The following FAM168B variants were observed in gnomAD, a reference collection of about 807,000 sequenced individuals.
FAM168B encodes myelin-associated neurite-outgrowth inhibitor.
FAM168B carries 19 observed loss-of-function variants against 21.8 expected under a neutral mutation model. The ratio of observed to expected loss-of-function variants is 0.87; its 90% CI spans 0.61 to 1.28. FAM168B has a LOEUF of 1.28. Among genes scored for constraint, FAM168B ranks in the 50% most tolerant of loss-of-function variants. FAM168B has a pLI of 0.00. For missense variants in FAM168B, 233 were observed against 263.1 expected, an observed-to-expected ratio of 0.89 and a Z score of 0.79; for synonymous variants, 126 against 104.8, an observed-to-expected ratio of 1.20 and a Z score of -1.24.
Position 131,050,859 on chromosome 2 carries a change from T to C in FAM168B, c.*1606A>G. On this transcript the variant is annotated 3_prime_UTR_variant, in exon 7 of 7. Transcript: ENST00000389915. ...CACAGCACTCAAACCACCACTGCAC[T>C]GGGAAGAAGACGCACGCTCCTGCCC... is the stretch of plus-strand genomic sequence containing the variant. The C allele has an allele frequency of 1.0e-6, 1 of 985,336 alleles. No homozygotes were observed. Among genetic ancestry groups the C allele is most frequent in the African/African-American group, 1.7e-5 (1 of 57,228 alleles). 61.0% of individuals were successfully genotyped at this position (985,336 alleles called of 1,614,324 possible). A position where few individuals can be genotyped will look rare whatever the true frequency, so the allele number is the denominator to read the frequency against.
At chr2:131,060,315 C>T (rs910022991) in intron 3 of FAM168B, among the ~76,000 whole-genome samples, 3 of 151,996 alleles carry the variant, frequency 2.0e-5, no homozygotes, top group Non-Finnish European at 4.4e-5. Context: ...TGAGCCACCG[C>T]GCCCGGCCGT....
At chr2:131,067,852 G>GA (rs1692652143) in intron 3 of FAM168B, among the ~76,000 whole-genome samples, 1 of 152,094 alleles carries the variant, frequency 6.6e-6, no homozygotes, top group African/African-American at 2.4e-5. Flanking sequence ...TTGCTCATCA[G>GA]AAAAAGGGAA....
intron 3 of FAM168B, among the ~76,000 whole-genome samples, chr2:131,058,109 G>A (rs2105471662): frequency 6.9e-6 from 1 of 145,680 alleles, no homozygotes. Flanking sequence ...TAGGATTACA[G>A]GTGTGAGCCT....
rs1050438274 is a variant in FAM168B at position 131,051,635 on chromosome 2, A to T, written c.*830T>A. 4 of 985,264 alleles carry T rather than the reference A, an allele frequency of 4.1e-6. No homozygotes were observed. Among genetic ancestry groups the T allele is most frequent in the Non-Finnish European group, 4.8e-6 (4 of 829,886 alleles). The allele number at this position is 985,264 out of a possible 1,614,324, so 61.0% of individuals were successfully genotyped here. The stretch of plus-strand genomic sequence containing the variant: ...TTTTCCAATAAAGACATATAAAAAC[A>T]TCATCTCTCTAAGAGAACTGTAATG... On this transcript the variant is annotated 3_prime_UTR_variant, in exon 7 of 7. Coordinates refer to ENST00000389915, the MANE Select transcript of FAM168B (RefSeq NM_001009993.4).
rs143713928 is a variant in FAM168B at position 131,048,854 on chromosome 2, C to G, written c.*3611G>C. ...CCTCAAGCCACACCCCTGCCACCTG[C>G]TGCTGCGCCCAATGGAGGTCCTGTC... On this transcript the variant is annotated 3_prime_UTR_variant, in exon 7 of 7. Coordinates refer to ENST00000389915, the MANE Select transcript of FAM168B (RefSeq NM_001009993.4). 3 of 986,294 alleles carry G rather than the reference C, an allele frequency of 3.0e-6. No individual in the cohort carries two copies. The highest frequency in any genetic ancestry group is 1.7e-5 in the African/African-American group (1 of 57,368). The allele number at this position is 986,294 out of a possible 1,614,324, so 61.1% of individuals were successfully genotyped here.
chr2:131,074,410 A>G (rs57352617), intron 2 of FAM168B, among the ~76,000 whole-genome samples: 25,371 of 152,130 alleles, frequency 0.17, 2,478 homozygotes, highest in African/African-American at 0.27. Flanking sequence ...TACAGGTGTG[A>G]GCCACTGCAC....
rs1299022841 is a variant in FAM168B at position 131,089,728 on chromosome 2, AAAAG to A, written c.-12+3482_-12+3485del. ...GCGAGACTCCATCTCAAAAAAAAAA[AAAAG>A]AAAGAAAAAAGAAAGACCTGGCTGG... On this transcript the variant is annotated intron_variant, in intron 1 of 6. Transcript: ENST00000389915. Among the ~76,000 whole-genome samples the A allele has an allele frequency of 1.1e-3, 165 of 143,876 alleles. 1 individual carries two copies. Among genetic ancestry groups the A allele is most frequent in the African/African-American group, 3.6e-3 (141 of 38,676 alleles). 94.4% of individuals were successfully genotyped at this position (143,876 alleles called of 152,430 possible).
At position 131,051,434 on chromosome 2, in the gene FAM168B, A is replaced by G; in HGVS notation, c.*1031T>C. ...AAACCTTTGCCCTTCTTTGTTGGGG[A>G]AAAACAGCAATGCCTACCTGTTTTC... On this transcript the variant is annotated 3_prime_UTR_variant, in exon 7 of 7. Transcript: ENST00000389915. The G allele has an allele frequency of 1.0e-6, 1 of 985,114 alleles. No individual in the cohort carries two copies. The highest frequency in any genetic ancestry group is 1.2e-6 in the Non-Finnish European group (1 of 829,878). The allele number at this position is 985,114 out of a possible 1,614,324, so 61.0% of individuals were successfully genotyped here. A position where few individuals can be genotyped will look rare whatever the true frequency, so the allele number is the denominator to read the frequency against.
chr2:131,091,660 A>AG (rs923806673), intron 1 of FAM168B, among the ~76,000 whole-genome samples: 1 of 150,792 alleles, frequency 6.6e-6, no homozygotes, highest in Non-Finnish European at 1.5e-5. Context: ...AAAAAAAAAA[A>AG]GAAAAAAGAA....
chr2:131,058,113 T>G (rs1692114640), intron 3 of FAM168B, among the ~76,000 whole-genome samples: 1 of 144,322 alleles, frequency 6.9e-6, no homozygotes, highest in African/African-American at 2.8e-5. Context: ...ATTACAGGTG[T>G]GAGCCTGTAT....
chr2:131,064,301 G>T (rs546760782), intron 3 of FAM168B, among the ~76,000 whole-genome samples: 1 of 151,830 alleles, frequency 6.6e-6, no homozygotes, highest in South Asian at 2.1e-4. Context: ...AGTAAAAAAA[G>T]ACATTTATTT....
rs2105448959 is a variant in FAM168B, at chr2:131,051,995, T to C, written c.*470A>G. On this transcript the variant is annotated 3_prime_UTR_variant, in exon 7 of 7. Coordinates refer to ENST00000389915, the MANE Select transcript of FAM168B (RefSeq NM_001009993.4). Reference sequence around the variant, plus strand: ...GAATCATCTAAGATATTTCAGATGCTCTATGAAGAAATTCACTTTAACACT... The same window carrying C: ...GAATCATCTAAGATATTTCAGATGCCCTATGAAGAAATTCACTTTAACACT... The C allele has an allele frequency of 1.0e-6, 1 of 985,632 alleles. No individual in the cohort carries two copies. Among genetic ancestry groups the C allele is most frequent in the East Asian group, 1.1e-4 (1 of 8,820 alleles). 61.1% of individuals were successfully genotyped at this position (985,632 alleles called of 1,614,324 possible).
At chr2:131,069,715 G>C (rs541909086) in intron 3 of FAM168B, among the ~76,000 whole-genome samples, 1 of 151,918 alleles carries the variant, frequency 6.6e-6, no homozygotes, top group Non-Finnish European at 1.5e-5. Context: ...GGATGGTCTC[G>C]ATCTCCTGAC....
chr2:131,050,738 G>A lies in FAM168B; in HGVS notation c.*1727C>T. On this transcript the variant is annotated 3_prime_UTR_variant, in exon 7 of 7. Transcript: ENST00000389915. ...TCAGGTGTCCCCCCACCAACCAACT[G>A]GGGCAGAATGCTAGTGGGCATCCTC... The A allele has an allele frequency of 1.0e-6, 1 of 985,390 alleles. No individual in the cohort carries two copies. The highest frequency in any genetic ancestry group is 1.2e-6 in the Non-Finnish European group (1 of 829,914). The allele number at this position is 985,390 out of a possible 1,614,324, so 61.0% of individuals were successfully genotyped here.
At chr2:131,091,903 G>A (rs888450667) in intron 1 of FAM168B, among the ~76,000 whole-genome samples, 4 of 151,434 alleles carry the variant, frequency 2.6e-5, no homozygotes, top group Non-Finnish European at 4.4e-5. Context: ...GTCGAGGCGG[G>A]CGGATCACGA....
At chr2:131,071,710 G>T in intron 3 of FAM168B, 145 bp downstream of exon 3, 1 of 677,226 alleles carries the variant, frequency 1.5e-6, no homozygotes, top group Non-Finnish European at 2.6e-6. Context: ...TTAAGCTTTT[G>T]TTGCACTTAT....
chr2:131,076,202 G>A (rs1693144999), intron 2 of FAM168B, among the ~76,000 whole-genome samples: 1 of 152,124 alleles, frequency 6.6e-6, no homozygotes, highest in Non-Finnish European at 1.5e-5. Flanking sequence ...AAGAATCACT[G>A]TTTCTTCCTA....
At chr2:131,074,082 G>T (rs547971746) in intron 2 of FAM168B, among the ~76,000 whole-genome samples, 1 of 152,286 alleles carries the variant, frequency 6.6e-6, no homozygotes, top group South Asian at 2.1e-4. Flanking sequence ...GACCCCTCTG[G>T]CTCACAGTAC....
intron 6 of FAM168B, 137 bp downstream of exon 6, chr2:131,052,754 T>A: frequency 1.5e-6 from 2 of 1,354,268 alleles, no homozygotes; most frequent in Non-Finnish European, 2.0e-6. Flanking sequence ...AAACAAAAAA[T>A]TTAAACACTA....
Sources: allele counts gnomAD v4.1 joint callset (sites outside exome capture counted in the v4.1 genomes callset), GRCh38; gene constraint gnomAD v4.1.1; transcripts MANE v1.5; gene names NCBI Gene and HGNC (gene_info 2026-07-23, HGNC 2026-07-21).